Variants in DOCK1 observed in about 807,000 individuals in gnomAD.
DOCK1 encodes dedicator of cytokinesis 1.
DOCK1 carries 138 observed loss-of-function variants against 262.7 expected under a neutral mutation model. The observed-to-expected ratio is 0.53, with a 90% CI of 0.46 to 0.61. The LOEUF (loss-of-function observed/expected upper bound fraction) is 0.61, where lower values mean the gene tolerates loss of function less well. DOCK1 is among the 20% of genes least tolerant of loss of function. The pLI is 0.00. For synonymous variants in DOCK1, 866 were observed against 867.4 expected (o/e 1.00, Z 0.03); for missense variants, 1,908 against 2,370.7 (o/e 0.80, Z 4.05).
chr10:127,387,463 C>T lies in DOCK1; in HGVS notation c.3927+2554C>T, dbSNP rs144919386. ...GAGGACCACGCGTGCATGGTGGACT[C>T]AAGGAATGTCTCCCTGCAGTGCCCT... On this transcript the variant is annotated intron_variant, in intron 38 of 51. Transcript: ENST00000623213. Among the ~76,000 whole-genome samples the T allele has an allele frequency of 4.4e-3, 675 of 152,334 alleles. 6 individuals are homozygous for T. Among genetic ancestry groups the T allele is most frequent in the Middle Eastern group, 0.01 (3 of 294 alleles).
chr10:127,378,431 T>A (rs2065641476), intron 35 of DOCK1, among the ~76,000 whole-genome samples: 1 of 152,128 alleles, frequency 6.6e-6, no homozygotes. Context: ...GAGACAAGGC[T>A]GCCCGCGGAG....
chr10:127,058,425 T>C (rs12243289), intron 22 of DOCK1, among the ~76,000 whole-genome samples: 33,574 of 151,874 alleles, frequency 0.22, 3,851 homozygotes, highest in East Asian at 0.25. Context: ...GTGCCTCTTA[T>C]AATACAACAT....
In DOCK1 at chr10:127,420,261, T is replaced by C. The variant is rs535634732; in HGVS notation, c.4776+512T>C. Among the ~76,000 whole-genome samples the C allele has an allele frequency of 1.8e-4, 27 of 152,282 alleles. 2 individuals carry two copies. The East Asian group carries it at 5.2e-3, about 29-fold the overall frequency. On this transcript the variant is annotated intron_variant, in intron 46 of 51. Coordinates refer to ENST00000623213, the MANE Select transcript of DOCK1 (RefSeq NM_001290223.2). ...TATTTCACTGTTCTACTTATGCTCC[T>C]GGGGCCTCGGGAGCCTTTCCCAGAG...
At chr10:127,141,911 C>G (rs1400529297) in intron 27 of DOCK1, among the ~76,000 whole-genome samples, 3 of 152,220 alleles carry the variant, frequency 2.0e-5, no homozygotes, top group Non-Finnish European at 4.4e-5. Context: ...ACATTTTCTG[C>G]AAGACATACT....
chr10:127,297,047 A>C (rs2061527458), intron 29 of DOCK1, among the ~76,000 whole-genome samples: 1 of 152,136 alleles, frequency 6.6e-6, no homozygotes, highest in Non-Finnish European at 1.5e-5. Context: ...AGCTATTCCC[A>C]GTTCATCAGC....
intron 29 of DOCK1, among the ~76,000 whole-genome samples, chr10:127,318,223 G>A (rs138690451): frequency 2.4e-4 from 37 of 152,342 alleles, no homozygotes; most frequent in African/African-American, 8.7e-4. Flanking sequence ...TAAGGGCTGG[G>A]CAGAGTGCTA....
In DOCK1 at chr10:127,367,228, C is replaced by T. The variant is rs77636881; in HGVS notation, c.3432+5016C>T. On this transcript the variant is annotated intron_variant, in intron 33 of 51. Transcript: ENST00000623213. ...TGCTCGTGCTCTTCAGCCGCAGTGG[C>T]GGGCATTTCATTAGAACGTTCTTTC... 8.9e-3 allele frequency among the ~76,000 whole-genome samples: 1,352 copies of T among 152,290 alleles called. 26 individuals carry two copies. The highest frequency in any genetic ancestry group is 0.078 in the East Asian group (404 of 5,158).
At chr10:127,380,812 G>T (rs959967886) in intron 36 of DOCK1, among the ~76,000 whole-genome samples, 1 of 152,280 alleles carries the variant, frequency 6.6e-6, no homozygotes, top group Non-Finnish European at 1.5e-5. Flanking sequence ...TTCTAAGATT[G>T]TTTTTACTTC....
chr10:127,444,210 T>C lies in DOCK1; in HGVS notation c.5344T>C (p.Ser1782Pro). 6.2e-7 allele frequency: 1 copy of C among 1,611,166 alleles called. No homozygotes were observed. Among genetic ancestry groups the C allele is most frequent in the Non-Finnish European group, 8.5e-7 (1 of 1,179,162 alleles). Residue 1782 changes from serine to proline, a missense_variant, in exon 50 of 52, where the codon TCA (serine) becomes CCA (proline). This residue lies in a region of DOCK1 where 383 missense variants were observed against 420.1 expected (regional missense o/e 0.91). Transcript: ENST00000623213. ...AAGGCGCTTCTCGGTGTCCCCCTCG[T>C]CACCGTCCTCCCAGCAAACACCCCC... The part of the protein sequence containing the change: ...SERRFSVSPS[S>P]PSSQQTPPPV...
In DOCK1 at chr10:127,292,616, T is replaced by A. The variant is rs570868708; in HGVS notation, c.3044+35187T>A. Among the ~76,000 whole-genome samples, 3 of 152,276 alleles carry A rather than the reference T, an allele frequency of 2.0e-5. No homozygotes were observed. The South Asian group carries it at 6.2e-4, about 32-fold the overall frequency. On this transcript the variant is annotated intron_variant, in intron 29 of 51. Transcript: ENST00000623213. The stretch of plus-strand genomic sequence containing the variant: ...GACAAATTGCAGGTGTGATCATTAC[T>A]CTCTGTGACTCCCTGTTTCTCAGAT...
chr10:127,147,297 C>G (rs1431823304), intron 27 of DOCK1, among the ~76,000 whole-genome samples: 1 of 152,128 alleles, frequency 6.6e-6, no homozygotes, highest in Non-Finnish European at 1.5e-5. Flanking sequence ...GGTGCCCTGG[C>G]TGTTTGTCCT....
chr10:126,962,138 C>T (rs1274782756), intron 1 of DOCK1, among the ~76,000 whole-genome samples: 6 of 150,882 alleles, frequency 4.0e-5, no homozygotes, highest in African/African-American at 1.5e-4. Context: ...GCTGGGACTA[C>T]AGGCATGTAC....
chr10:127,089,414 T>G (rs1377885716), intron 23 of DOCK1, among the ~76,000 whole-genome samples: 3 of 152,126 alleles, frequency 2.0e-5, no homozygotes, highest in Non-Finnish European at 2.9e-5. Flanking sequence ...TTCCTTCTTT[T>G]TTTCCTTGGC....
intron 1 of DOCK1, among the ~76,000 whole-genome samples, chr10:126,947,189 G>C (rs2035486605): frequency 6.6e-6 from 1 of 151,736 alleles, no homozygotes; most frequent in African/African-American, 2.4e-5. Context: ...GTCTTTCTCA[G>C]GGCAGAATAA....
chr10:127,223,593 C>T (rs2058521759), intron 27 of DOCK1, among the ~76,000 whole-genome samples: 1 of 152,124 alleles, frequency 6.6e-6, no homozygotes, highest in Non-Finnish European at 1.5e-5. Context: ...ATATTCCAAA[C>T]TCTGAAATAA....
chr10:127,371,331 G>A (rs1268785178), intron 33 of DOCK1, among the ~76,000 whole-genome samples: 1 of 152,230 alleles, frequency 6.6e-6, no homozygotes, highest in Non-Finnish European at 1.5e-5. Flanking sequence ...AGTAAAATTA[G>A]AATCAGCTGT....
intron 31 of DOCK1, 114 bp from the exon 32 acceptor site, chr10:127,354,553 ACT>A (rs1214497637): frequency 4.3e-6 from 5 of 1,154,254 alleles, no homozygotes; most frequent in Admixed American, 2.2e-5. Flanking sequence ...AAGCTTTGAC[ACT>A]CTCTTTATTT....
chr10:127,373,983 A>G, intron 34 of DOCK1, 75 bp from the exon 35 acceptor site: 2 of 1,534,528 alleles, frequency 1.3e-6, no homozygotes, highest in South Asian at 2.5e-5. Flanking sequence ...AATAATGGAA[A>G]ATAGTTAAAA....
intron 1 of DOCK1, among the ~76,000 whole-genome samples, chr10:126,951,710 A>G (rs1029288478): frequency 0.64 from 96,374 of 151,622 alleles, 31,107 homozygotes; most frequent in Middle Eastern, 0.7. Flanking sequence ...ATTGAGGCAG[A>G]AGAATAGAGC....
Sources: allele counts gnomAD v4.1 joint callset (sites outside exome capture counted in the v4.1 genomes callset), GRCh38; gene constraint gnomAD v4.1.1; regional missense constraint gnomAD v4.1.1; transcripts MANE v1.5; gene names NCBI Gene and HGNC (gene_info 2026-07-23, HGNC 2026-07-21).